FUT8: variants seen among roughly 807,000 people sequenced by gnomAD.
FUT8 encodes fucosyltransferase 8.
Under a neutral mutation model 71.3 loss-of-function variants are expected in FUT8, and 29 were observed. The observed-to-expected ratio is 0.41, with a 90% CI of 0.30 to 0.55. The LOEUF (loss-of-function observed/expected upper bound fraction) is 0.55. FUT8 is among the 20% of genes least tolerant of loss of function. The pLI is 0.34. For synonymous variants in FUT8, 254 were observed against 239.3 expected (o/e 1.06, Z -0.57); for missense variants, 544 against 702.1 (o/e 0.77, Z 2.55).
chr14:65,611,303 C>CACACACACACACACACA (rs1566851612), intron 3 of FUT8, among the ~76,000 whole-genome samples: 1 of 42,544 alleles, frequency 2.4e-5, no homozygotes, highest in African/African-American at 1.2e-4. Context: ...ACACACACAC[C>CACACACACACACACACA]CCCCAAGTAA....
At chr14:65,409,522 G>A (rs367624151), upstream of FUT8, among the ~76,000 whole-genome samples, 27 of 152,200 alleles carry the variant, frequency 1.8e-4, no homozygotes, top group Admixed American at 1.2e-3. This position sits in a 1 kb window ranked among gnomAD's most constrained non-coding sequence, Gnocchi z 5.4. Flanking sequence ...TTTTATTACA[G>A]TCATAATAAA....
intron 6 of FUT8, among the ~76,000 whole-genome samples, chr14:65,641,271 G>C (rs887835824): frequency 1.3e-5 from 2 of 152,268 alleles, no homozygotes; most frequent in East Asian, 3.9e-4. Flanking sequence ...GAGACCTACA[G>C]TACATACTAT....
At chr14:65,672,505 G>T (rs1319087665) in intron 7 of FUT8, among the ~76,000 whole-genome samples, 1 of 152,104 alleles carries the variant, frequency 6.6e-6, no homozygotes, top group Non-Finnish European at 1.5e-5. Flanking sequence ...TGACACCCAG[G>T]CTGGAGTGCG....
At chr14:65,567,871 T>C (rs560655719) in intron 3 of FUT8, among the ~76,000 whole-genome samples, 2 of 152,056 alleles carry the variant, frequency 1.3e-5, no homozygotes, top group South Asian at 4.1e-4. Context: ...AAATGAGCTG[T>C]TTATTTATGA....
the FUT8 span, among the ~76,000 whole-genome samples, chr14:65,390,619 C>T: frequency 1.3e-5 from 2 of 151,890 alleles, no homozygotes; most frequent in African/African-American, 4.8e-5. Flanking sequence ...ATTTCCACAT[C>T]TCTAGACTAG....
intron 6 of FUT8, among the ~76,000 whole-genome samples, chr14:65,654,316 C>T (rs188835517): frequency 5.9e-5 from 9 of 152,264 alleles, no homozygotes; most frequent in Admixed American, 3.9e-4. Context: ...AGGCCAGGCA[C>T]GGTGGAGCAC....
chr14:65,421,240 T>C (rs2065289902), intron 1 of FUT8, among the ~76,000 whole-genome samples: 1 of 151,034 alleles, frequency 6.6e-6, no homozygotes, highest in South Asian at 2.1e-4. Flanking sequence ...AGAATATATT[T>C]ACTCTTCATT....
At chr14:65,517,748 T>C (rs77073515) in intron 2 of FUT8, among the ~76,000 whole-genome samples, 68 of 152,296 alleles carry the variant, frequency 4.5e-4, no homozygotes, top group African/African-American at 1.5e-3. Context: ...TACTCCCACC[T>C]TGCACTGGGT....
At chr14:65,445,914 G>A (rs555016687) in intron 1 of FUT8, among the ~76,000 whole-genome samples, 19 of 152,292 alleles carry the variant, frequency 1.2e-4, no homozygotes, top group African/African-American at 3.4e-4. Context: ...AGGTGTGAGC[G>A]ACTGTGCCCA....
intron 3 of FUT8, among the ~76,000 whole-genome samples, chr14:65,599,870 G>C (rs1594803799): frequency 6.6e-6 from 1 of 152,166 alleles, no homozygotes; most frequent in East Asian, 1.9e-4. Flanking sequence ...AATTTTATTA[G>C]GTCTGCTTAA....
chr14:65,561,615 T>G lies in FUT8; in HGVS notation c.52T>G (p.Trp18Gly). ...WRWIMLILFA[W>G]GTLLFYIGGH... ...TTGGATTATGCTCATTCTTTTTGCC[T>G]GGGGGACCTTGCTGTTTTATATAGG... The change falls in exon 3 of 11, where the codon TGG (tryptophan) becomes GGG (glycine). Residue 18 changes from tryptophan to glycine, a missense_variant. Transcript: ENST00000673929. 6.2e-7 allele frequency: 1 copy of G among 1,613,574 alleles called. No individual in the cohort carries two copies. The highest frequency in any genetic ancestry group is 8.5e-7 in the Non-Finnish European group (1 of 1,179,602).
chr14:65,623,199 C>G (rs1437171446), intron 5 of FUT8, among the ~76,000 whole-genome samples: 1 of 152,110 alleles, frequency 6.6e-6, no homozygotes, highest in Non-Finnish European at 1.5e-5. Context: ...CCAAACTTCT[C>G]TCTTCAACAT....
chr14:65,490,591 C>T (rs1326323329), intron 2 of FUT8, among the ~76,000 whole-genome samples: 2 of 152,060 alleles, frequency 1.3e-5, no homozygotes, highest in Non-Finnish European at 2.9e-5. Context: ...TAGGAAATTG[C>T]CTTTGACTTC....
At chr14:65,456,725 T>G (rs1245052300) in intron 2 of FUT8, among the ~76,000 whole-genome samples, 1 of 151,494 alleles carries the variant, frequency 6.6e-6, no homozygotes, top group Non-Finnish European at 1.5e-5. Flanking sequence ...ATACAAAAAT[T>G]AGTTGGGTGT....
intron 7 of FUT8, among the ~76,000 whole-genome samples, chr14:65,696,799 C>T (rs1206294886): frequency 1.3e-5 from 2 of 152,076 alleles, no homozygotes; most frequent in African/African-American, 4.8e-5. Flanking sequence ...TATCTTTAAG[C>T]TGATTCTTTC....
chr14:65,677,151 T>TGTGTGTGTGCGTGC, intron 7 of FUT8, among the ~76,000 whole-genome samples: 1 of 110,744 alleles, frequency 9.0e-6, no homozygotes, highest in South Asian at 3.0e-4. Context: ...TGTGTGTGTG[T>TGTGTGTGTGCGTGC]GCGCGCGCGC....
intron 2 of FUT8, chr14:65,488,198 A>C (rs1188306050): frequency 2.0e-5 from 3 of 152,220 alleles, no homozygotes; most frequent in African/African-American, 7.2e-5. Context: ...GAAAAGCTTC[A>C]AAGTAGACAT....
chr14:65,360,620 A>G, the FUT8 span, among the ~76,000 whole-genome samples: 2 of 152,236 alleles, frequency 1.3e-5, no homozygotes, highest in South Asian at 4.1e-4. Context: ...GATAATGAGG[A>G]GATGGGGATC....
the FUT8 span, among the ~76,000 whole-genome samples, chr14:65,397,498 A>G: frequency 6.6e-6 from 1 of 152,212 alleles, no homozygotes; most frequent in Non-Finnish European, 1.5e-5. This position sits in a 1 kb window ranked among gnomAD's most constrained non-coding sequence, Gnocchi z 4.2. Flanking sequence ...TATTTTCCCC[A>G]TGTCAGTGTG....
Sources: gnomAD v4.1 joint callset for allele counts (sites outside exome capture counted in the v4.1 genomes callset) on GRCh38, gnomAD v4.1.1 for gene constraint, Gnocchi (gnomAD v3.1) non-coding constraint, MANE v1.5 for transcripts, NCBI Gene and HGNC (gene_info 2026-07-23, HGNC 2026-07-21) for gene names.